The following ERP44 variants were observed in gnomAD, a reference collection of about 807,000 sequenced individuals.
The protein encoded by ERP44 is endoplasmic reticulum protein 44.
In ERP44, 25 loss-of-function variants were observed where a neutral mutation model predicts 53.4. That is an observed-to-expected ratio of 0.47 (90% CI 0.34 to 0.65). ERP44 has a LOEUF of 0.65. ERP44 is among the 30% of genes least tolerant of loss of function. The pLI, the probability that ERP44 is intolerant of heterozygous loss-of-function variation, is 0.01. For synonymous variants in ERP44, 145 were observed against 161.2 expected (o/e 0.90, Z 0.76); for missense variants, 338 against 493.2 (o/e 0.69, Z 2.98).
intron 2 of ERP44, 106 bp downstream of exon 2, chr9:100,059,994 C>T: frequency 2.2e-6 from 2 of 924,072 alleles, no homozygotes; most frequent in Non-Finnish European, 2.9e-6. Context: ...GCCAGCTCTT[C>T]ATCTGTGCTA....
intron 6 of ERP44, among the ~76,000 whole-genome samples, chr9:100,018,744 C>A (rs912686964): frequency 4.6e-5 from 7 of 152,226 alleles, no homozygotes; most frequent in Non-Finnish European, 1.0e-4. Context: ...ACAGAAGTTG[C>A]TTAATAAACA....
At chr9:100,007,551 T>G (rs767904386) in intron 9 of ERP44, 27 bp downstream of exon 9, 35 of 1,084,784 alleles carry the variant, frequency 3.2e-5, no homozygotes, top group Admixed American at 8.8e-5. Context: ...AAAGAAATGA[T>G]GAAAATAAAC....
At chr9:100,034,991 T>C (rs113109947) in intron 4 of ERP44, among the ~76,000 whole-genome samples, 1 of 152,158 alleles carries the variant, frequency 6.6e-6, no homozygotes, top group African/African-American at 2.4e-5. Context: ...CTCTATTCAA[T>C]AAATGGTATT....
At chr9:100,079,953 A>C (rs1206492541) in intron 1 of ERP44, among the ~76,000 whole-genome samples, 3 of 152,082 alleles carry the variant, frequency 2.0e-5, no homozygotes, top group African/African-American at 4.8e-5. Context: ...CAAAAAAAAA[A>C]AAAACAGAAT....
At chr9:99,996,092 G>A (rs1327924786) in intron 10 of ERP44, among the ~76,000 whole-genome samples, 1 of 151,928 alleles carries the variant, frequency 6.6e-6, no homozygotes, top group East Asian at 1.9e-4. Flanking sequence ...CATATGGTTG[G>A]TTTGTCTCCA....
chr9:100,069,948 G>T (rs762792201), intron 1 of ERP44, among the ~76,000 whole-genome samples: 5 of 152,144 alleles, frequency 3.3e-5, no homozygotes, highest in Non-Finnish European at 2.9e-5. Flanking sequence ...AACAGACAAT[G>T]TATTTTTCTC....
intron 10 of ERP44, among the ~76,000 whole-genome samples, chr9:99,986,011 C>T (rs1340283225): frequency 6.6e-6 from 1 of 152,190 alleles, no homozygotes; most frequent in Admixed American, 6.5e-5. Context: ...CTCTTAATTA[C>T]CAATCATGTA....
intron 10 of ERP44, among the ~76,000 whole-genome samples, chr9:99,994,516 C>T (rs1036825441): frequency 2.0e-5 from 3 of 151,860 alleles, no homozygotes; most frequent in South Asian, 4.2e-4. Context: ...GTGAGGGGAG[C>T]GGGGAGGGAT....
chr9:100,053,398 A>G (rs1826057372), intron 3 of ERP44, among the ~76,000 whole-genome samples: 1 of 152,180 alleles, frequency 6.6e-6, no homozygotes, highest in South Asian at 2.1e-4. Flanking sequence ...CAAGCCAAAC[A>G]TTTCACAAAT....
At chr9:99,999,654 T>A (rs1276821127) in intron 10 of ERP44, among the ~76,000 whole-genome samples, 1 of 152,204 alleles carries the variant, frequency 6.6e-6, no homozygotes, top group Admixed American at 6.5e-5. Flanking sequence ...TTTGTAGATT[T>A]CCTTCACTGT....
At chr9:100,084,667 C>A (rs1564106047) in intron 1 of ERP44, among the ~76,000 whole-genome samples, 1 of 152,140 alleles carries the variant, frequency 6.6e-6, no homozygotes, top group African/African-American at 2.4e-5. Flanking sequence ...AAGAAAACAT[C>A]TTTTATCCTA....
At chr9:99,999,152 G>A (rs1241135748) in intron 10 of ERP44, 2 of 559,426 alleles carry the variant, frequency 3.6e-6, no homozygotes, top group Non-Finnish European at 6.4e-6. Flanking sequence ...TGGGAGGCCA[G>A]GGCTCCGCCC....
At chr9:100,005,543 T>A (rs968133038) in intron 10 of ERP44, among the ~76,000 whole-genome samples, 2 of 152,236 alleles carry the variant, frequency 1.3e-5, no homozygotes, top group Admixed American at 1.3e-4. Context: ...TAATCATTAT[T>A]TCTCATTAGT....
At chr9:100,057,763 A>G in intron 3 of ERP44, 57 bp downstream of exon 3, 1 of 1,334,886 alleles carries the variant, frequency 7.5e-7, no homozygotes, top group Non-Finnish European at 1.1e-6. Context: ...CTAGCAAAGA[A>G]AAATTAACCT....
intron 3 of ERP44, among the ~76,000 whole-genome samples, chr9:100,057,272 A>T (rs1826095898): frequency 1.3e-5 from 2 of 152,184 alleles, no homozygotes; most frequent in Admixed American, 1.3e-4. Context: ...CATCTACTAT[A>T]TACCATGTTG....
At chr9:99,985,222 A>T (rs964016156) in intron 10 of ERP44, among the ~76,000 whole-genome samples, 153 bp from the exon 11 acceptor site, 45 of 152,242 alleles carry the variant, frequency 3.0e-4, no homozygotes, top group African/African-American at 1.1e-3. Context: ...ATTTTTACAC[A>T]GTTGTAAGCA....
intron 4 of ERP44, among the ~76,000 whole-genome samples, chr9:100,029,229 C>T (rs1825747938): frequency 6.6e-6 from 1 of 151,600 alleles, no homozygotes; most frequent in African/African-American, 2.4e-5. Context: ...AAGGGAAACA[C>T]TCAACAGAGT....
At chr9:100,024,335 T>C (rs1265566860) in intron 4 of ERP44, among the ~76,000 whole-genome samples, 2 of 135,102 alleles carry the variant, frequency 1.5e-5, no homozygotes, top group Non-Finnish European at 3.1e-5. Context: ...CAAGACAAGT[T>C]AAAAAAAAAA....
chr9:100,089,580 CAA>C (rs71498726), intron 1 of ERP44, among the ~76,000 whole-genome samples: 36 of 43,544 alleles, frequency 8.3e-4, no homozygotes, highest in African/African-American at 2.1e-3. Context: ...GACTCCATCT[CAA>C]AAAAAAAAAA....
Sources: allele counts gnomAD v4.1 joint callset (sites outside exome capture counted in the v4.1 genomes callset), GRCh38; gene constraint gnomAD v4.1.1; transcripts MANE v1.5; gene names NCBI Gene and HGNC (gene_info 2026-07-23, HGNC 2026-07-21).